UBLCP1: variants seen among roughly 807,000 people sequenced by gnomAD.
The protein encoded by UBLCP1 is ubiquitin like domain containing CTD phosphatase 1, also known as ubiquitin-like domain-containing CTD phosphatase 1.
A neutral mutation model predicts 42.4 loss-of-function variants in UBLCP1; 28 were observed. The observed-to-expected ratio is 0.66, with a 90% CI of 0.49 to 0.90. The LOEUF (loss-of-function observed/expected upper bound fraction) is 0.90, where lower values mean the gene tolerates loss of function less well. Ranked by LOEUF, UBLCP1 falls within the 40% of genes least tolerant of loss-of-function variation. The pLI, the probability that UBLCP1 is intolerant of heterozygous loss-of-function variation, is 0.00. For missense variants in UBLCP1, 279 were observed against 374.5 expected, an observed-to-expected ratio of 0.75 and a Z score of 2.10; for synonymous variants, 122 against 120.8, an observed-to-expected ratio of 1.01 and a Z score of -0.07.
At chr5:159,278,141 T>C (rs1753560883) in intron 8 of UBLCP1, 97 bp from the exon 9 acceptor site, 1 of 776,678 alleles carries the variant, frequency 1.3e-6, no homozygotes, top group East Asian at 2.6e-5. Flanking sequence ...AAGGAACACT[T>C]TGGCATTGTT....
At chr5:159,265,335 G>A (rs1001774370) in intron 1 of UBLCP1, among the ~76,000 whole-genome samples, 1 of 152,170 alleles carries the variant, frequency 6.6e-6, no homozygotes, top group African/African-American at 2.4e-5. Context: ...ATAAGTGAAA[G>A]CATTGGAAAT....
chr5:159,276,389 C>G (rs938285555), intron 8 of UBLCP1, among the ~76,000 whole-genome samples: 2 of 152,086 alleles, frequency 1.3e-5, no homozygotes, highest in Non-Finnish European at 2.9e-5. Flanking sequence ...TTATCAAAAC[C>G]ATAAATAGAA....
rs756038578 is a variant in UBLCP1, at chr5:159,283,264, T to A, written c.854T>A (p.Leu285Ter). ...AATCGTGATAAAGACAAAGAACTTT[T>A]AAAATTAACTCAGTACCTCAAGGAG... ...HLNRDKDKEL[L>*]KLTQYLKEIA... is the part of the protein sequence containing the mutation. Residue 285 changes from leucine (L) to a stop codon, truncating the protein, a stop_gained, in exon 10 of 11, where the codon TTA becomes TAA. Transcript: ENST00000296786. LOFTEE classifies it high-confidence loss of function. 1 of 1,606,918 alleles carries A rather than the reference T, an allele frequency of 6.2e-7. No homozygotes were observed. Among genetic ancestry groups the A allele is most frequent in the Non-Finnish European group, 8.5e-7 (1 of 1,177,216 alleles).
intron 6 of UBLCP1, among the ~76,000 whole-genome samples, chr5:159,273,197 A>C (rs140131415): frequency 6.6e-5 from 10 of 152,234 alleles, no homozygotes; most frequent in Non-Finnish European, 1.3e-4. Flanking sequence ...TGGTTTAGTA[A>C]GATAAGGTGA....
chr5:159,283,591 G>C (rs1384904854), intron 10 of UBLCP1, among the ~76,000 whole-genome samples: 1 of 152,010 alleles, frequency 6.6e-6, no homozygotes, highest in African/African-American at 2.4e-5. Flanking sequence ...TGAGAGACTA[G>C]CATATGTTGG....
intron 6 of UBLCP1, 72 bp from the exon 7 acceptor site, chr5:159,274,509 AACTT>A (rs1461603605): frequency 3.9e-5 from 52 of 1,318,952 alleles, no homozygotes; most frequent in Admixed American, 8.7e-5. Context: ...TTGCTTAGAA[AACTT>A]ACTTATACAG....
intron 1 of UBLCP1, among the ~76,000 whole-genome samples, chr5:159,268,252 T>G (rs1753421675): frequency 2.0e-5 from 3 of 152,262 alleles, no homozygotes; most frequent in Admixed American, 1.3e-4. Flanking sequence ...GCTTTTAGTT[T>G]AAAAAGATTT....
chr5:159,269,129 AATT>A, intron 2 of UBLCP1, 60 bp downstream of exon 2: 1 of 1,219,600 alleles, frequency 8.2e-7, no homozygotes, highest in Non-Finnish European at 1.1e-6. Context: ...GAATTTTAAT[AATT>A]ATTTTGAATA....
intron 8 of UBLCP1, among the ~76,000 whole-genome samples, chr5:159,276,431 A>G (rs1403686751): frequency 6.6e-6 from 1 of 152,254 alleles, no homozygotes; most frequent in Admixed American, 6.5e-5. Flanking sequence ...TGTTCTATAA[A>G]GGAAATACTG....
At chr5:159,268,216 C>T (rs990953476) in intron 1 of UBLCP1, among the ~76,000 whole-genome samples, 3 of 152,162 alleles carry the variant, frequency 2.0e-5, no homozygotes, top group Non-Finnish European at 2.9e-5. Flanking sequence ...ATTTATTTAG[C>T]ACAGTGCCTG....
chr5:159,267,701 C>CT (rs1753415968), intron 1 of UBLCP1, among the ~76,000 whole-genome samples: 1 of 152,142 alleles, frequency 6.6e-6, no homozygotes, highest in African/African-American at 2.4e-5. Context: ...GTAATTGAAT[C>CT]TTGGGGGGTG....
At chr5:159,270,271 AT>A in intron 3 of UBLCP1, 88 bp from the exon 4 acceptor site, 1 of 1,127,276 alleles carries the variant, frequency 8.9e-7, no homozygotes, top group Non-Finnish European at 1.3e-6. Context: ...TGGAACTCAA[AT>A]TGTATCTCTC....
rs781560664 is a variant in UBLCP1 at position 159,269,928 on chromosome 5, G to A, written c.175G>A (p.Val59Ile). The stretch of plus-strand genomic sequence containing the variant: ...TGTAGGCAAACCTGCAGAAAATGAT[G>A]TTAAGCTTGGAGCTCTCAAACTGAA... ...KVKGKPAENDVKLGALKLKPN... is the reference protein window; with the variant it reads ...KVKGKPAENDIKLGALKLKPN... Residue 59 changes from valine (V) to isoleucine (I), a missense_variant, in exon 3 of 11, where the codon GTT (valine) becomes ATT (isoleucine). By Grantham distance (29) the Val-to-Ile change is conservative (BLOSUM62 3). Transcript: ENST00000296786. 3.7e-6 allele frequency: 6 copies of A among 1,613,014 alleles called. No homozygotes were observed. Among genetic ancestry groups the A allele is most frequent in the Middle Eastern group, 1.7e-4 (1 of 6,048 alleles).
chr5:159,267,067 C>A (rs1466521313), intron 1 of UBLCP1, among the ~76,000 whole-genome samples: 4 of 152,134 alleles, frequency 2.6e-5, no homozygotes, highest in African/African-American at 7.2e-5. Flanking sequence ...AGAAGAGGGC[C>A]ACCACCCTCC....
chr5:159,282,363 C>T (rs1283496707), intron 9 of UBLCP1, among the ~76,000 whole-genome samples: 2 of 151,948 alleles, frequency 1.3e-5, no homozygotes, highest in Non-Finnish European at 2.9e-5. Flanking sequence ...TAAAATTACT[C>T]ATGATTTTCC....
Position 159,274,620 on chromosome 5 carries a change from AAAGT to A in UBLCP1, c.585+3_585+6del, listed in dbSNP as rs772562530. On this transcript the variant is annotated splice_donor_variant and coding_sequence_variant, in exon 7 of 11. Transcript: ENST00000296786. LOFTEE classifies it high-confidence loss of function. ...TATGAAGTGGATTGAAGCTAAAATG[AAAGT>A]AAGTGTTAGAAAGCAATCCATTTAA... is the stretch of plus-strand genomic sequence containing the variant. 5.6e-6 allele frequency: 9 copies of A among 1,611,240 alleles called. No individual in the cohort carries two copies. Among genetic ancestry groups the A allele is most frequent in the Non-Finnish European group, 5.9e-6 (7 of 1,178,340 alleles).
At position 159,278,344 on chromosome 5, in the gene UBLCP1, A is replaced by G; in HGVS notation, c.791A>G (p.Asn264Ser). ...AGAAATTTTCTAATGAACCCACAGA[A>G]TGGACTAAAGGTAAGACATACTTTT... ...IGRNFLMNPQNGLKIRPFMKA... is the reference protein window; with the variant it reads ...IGRNFLMNPQSGLKIRPFMKA... The change falls in exon 9 of 11, where the codon AAT becomes AGT. Residue 264 changes from asparagine to serine, a missense_variant. Coordinates refer to ENST00000296786, the MANE Select transcript of UBLCP1 (RefSeq NM_145049.5). 1.2e-6 allele frequency: 2 copies of G among 1,606,564 alleles called. No individual in the cohort carries two copies. Among genetic ancestry groups the G allele is most frequent in the Non-Finnish European group, 1.7e-6 (2 of 1,173,208 alleles).
intron 8 of UBLCP1, 155 bp downstream of exon 8, chr5:159,275,401 AGATT>A: frequency 8.0e-6 from 3 of 376,030 alleles, no homozygotes; most frequent in South Asian, 3.1e-5. Context: ...TAAGGTTAAA[AGATT>A]TTTTTTTTTT....
chr5:159,273,511 A>G (rs1173763610), intron 6 of UBLCP1, among the ~76,000 whole-genome samples: 1 of 152,190 alleles, frequency 6.6e-6, no homozygotes, highest in Non-Finnish European at 1.5e-5. Context: ...ATCTAAATAC[A>G]TATTACAGGT....
Sources: allele counts gnomAD v4.1 joint callset (sites outside exome capture counted in the v4.1 genomes callset), GRCh38; gene constraint gnomAD v4.1.1; transcripts MANE v1.5; gene names NCBI Gene and HGNC (gene_info 2026-07-23, HGNC 2026-07-21).